The following ZNF507 variants were observed in gnomAD, a reference collection of about 807,000 sequenced individuals.
ZNF507 encodes zinc finger protein 507.
In ZNF507, 29 loss-of-function variants were observed where a neutral mutation model predicts 80.0. The observed-to-expected ratio is 0.36, with a 90% CI of 0.27 to 0.49. The LOEUF is 0.49. ZNF507 is among the 20% of genes least tolerant of loss of function. The probability of loss-of-function intolerance (pLI) is 0.98; values close to 1 mark genes in which losing one functional copy is unlikely to be tolerated. For missense variants in ZNF507, 1,081 were observed against 1,152.2 expected (o/e 0.94, Z 0.90); for synonymous variants, 462 against 422.5 (o/e 1.09, Z -1.15).
chr19:32,358,760 T>G (rs1196269310), intron 4 of ZNF507: 2 of 152,230 alleles, frequency 1.3e-5, no homozygotes, highest in Non-Finnish European at 2.9e-5. Context: ...GCAGAGATTT[T>G]ACCCAGACAT....
intron 5 of ZNF507, among the ~76,000 whole-genome samples, chr19:32,373,380 A>G (rs1967500812): frequency 6.6e-6 from 1 of 152,186 alleles, no homozygotes; most frequent in African/African-American, 2.4e-5. Context: ...TTCAGATCAT[A>G]CCACACTGTA....
intron 2 of ZNF507, among the ~76,000 whole-genome samples, chr19:32,352,050 G>T: frequency 6.8e-6 from 1 of 147,910 alleles, no homozygotes; most frequent in Non-Finnish European, 1.5e-5. Context: ...TTCCTTCTCT[G>T]ATGTCCCTTA....
intron 5 of ZNF507, among the ~76,000 whole-genome samples, chr19:32,366,397 T>A (rs1967399421): frequency 6.6e-6 from 1 of 150,708 alleles, no homozygotes; most frequent in South Asian, 2.1e-4. Flanking sequence ...TGGTATCCAC[T>A]ATCTTGACTT....
rs985176518 is a variant in ZNF507 at position 32,385,789 on chromosome 19, C to T, written c.*2706C>T. 1.3e-5 allele frequency: 2 copies of T among 151,902 alleles called. No individual in the cohort carries two copies. The highest frequency in any genetic ancestry group is 1.5e-5 in the Non-Finnish European group (1 of 67,980). 9.4% of individuals were successfully genotyped at this position (151,902 alleles called of 1,614,324 possible). On this transcript the variant is annotated 3_prime_UTR_variant, in exon 7 of 7. Coordinates refer to ENST00000355898, the MANE Select transcript of ZNF507 (RefSeq NM_001136156.2). The stretch of plus-strand genomic sequence containing the variant: ...CGTGATGGCACCATTGCACTCCAAC[C>T]GGGGTGACAGATGAGGTCCTCTGTT...
chr19:32,353,022 T>C lies in ZNF507; in HGVS notation c.192T>C (p.Leu64=), dbSNP rs369195364. The C allele has an allele frequency of 2.1e-5, 34 of 1,613,870 alleles. No homozygotes were observed. The highest frequency in any genetic ancestry group is 2.1e-5 in the Non-Finnish European group (25 of 1,179,990). ...IVENEKSQKC[L]LIGKKRPRSS... is the part of the protein sequence containing the mutation. ...AAAATGAAAAGTCACAAAAATGTCT[T>C]TTAATTGGGAAGAAACGCCCACGTT... Residue 64 remains leucine (L), a synonymous_variant, in exon 3 of 7, where the codon CTT becomes CTC. Transcript: ENST00000355898.
In ZNF507 at chr19:32,354,021, G is replaced by A. The variant is rs764276656; in HGVS notation, c.1191G>A (p.Val397=). The change falls in exon 3 of 7, where the codon GTG becomes GTA. Residue 397 remains valine, a synonymous_variant. Coordinates refer to ENST00000355898, the MANE Select transcript of ZNF507 (RefSeq NM_001136156.2). ...CCAATAAAAAAGGGCATGTTAACGT[G>A]ATAGTGGAGCGATTGCCAAGTGCTG... ...SSPNKKGHVN[V]IVERLPSAEE... 6.2e-7 allele frequency: 1 copy of A among 1,614,176 alleles called. No homozygotes were observed. Among genetic ancestry groups the A allele is most frequent in the Admixed American group, 1.7e-5 (1 of 60,026 alleles).
intron 1 of ZNF507, among the ~76,000 whole-genome samples, chr19:32,346,571 C>T (rs1967100244): frequency 6.6e-6 from 1 of 152,220 alleles, no homozygotes; most frequent in South Asian, 2.1e-4. Context: ...GAAAGCCTGG[C>T]CCTTCATTCC....
intron 5 of ZNF507, among the ~76,000 whole-genome samples, chr19:32,376,244 G>A (rs572162490): frequency 1.3e-5 from 2 of 151,958 alleles, no homozygotes; most frequent in South Asian, 2.1e-4. Context: ...TAGTGATAAC[G>A]CTATGAGTGA....
chr19:32,362,004 C>T (rs756681827), intron 5 of ZNF507, among the ~76,000 whole-genome samples: 4 of 151,700 alleles, frequency 2.6e-5, no homozygotes, highest in African/African-American at 4.8e-5. Context: ...CGGCAACCTC[C>T]GCCTCCCGGG....
chr19:32,345,957 G>A (rs1385497957), intron 1 of ZNF507, among the ~76,000 whole-genome samples, 174 bp downstream of exon 1: 1 of 152,218 alleles, frequency 6.6e-6, no homozygotes, highest in South Asian at 2.1e-4. Flanking sequence ...GTGCAGCAAG[G>A]CCTGCGGAGA....
intron 5 of ZNF507, among the ~76,000 whole-genome samples, chr19:32,366,787 T>C (rs1026271761): frequency 6.6e-6 from 1 of 152,272 alleles, no homozygotes; most frequent in Non-Finnish European, 1.5e-5. Context: ...TGGTAGACAG[T>C]GTCAACAGTT....
intron 5 of ZNF507, among the ~76,000 whole-genome samples, chr19:32,381,275 A>T (rs542246892): frequency 1.3e-5 from 2 of 152,244 alleles, no homozygotes; most frequent in African/African-American, 4.8e-5. Flanking sequence ...TATTCATATG[A>T]CGCTGGAATG....
intron 4 of ZNF507, chr19:32,359,527 CTG>C (rs1362244750): frequency 6.6e-6 from 1 of 152,132 alleles, no homozygotes; most frequent in African/African-American, 2.4e-5. Context: ...AGCCTGTGGA[CTG>C]TATGCTGACA....
At position 32,353,495 on chromosome 19, in the gene ZNF507, A is replaced by G. The variant is rs1281069695; in HGVS notation, c.665A>G (p.Gln222Arg). ...ATCCCAGTAAGTGTGGACAATCTAC[A>G]GACTCATACTGTCCAAACTGCATCT... ...PDIPVSVDNL[Q>R]THTVQTASVA... The change falls in exon 3 of 7, where the codon CAG becomes CGG. Residue 222 changes from glutamine (Q) to arginine (R), a missense_variant. By Grantham distance (43) the Gln-to-Arg change is conservative (BLOSUM62 1). Around this residue, in one of 6 missense-constraint regions of ZNF507, gnomAD observed 275 missense variants for 303.9 expected, o/e 0.90. Transcript: ENST00000355898. 1.2e-6 allele frequency: 2 copies of G among 1,614,122 alleles called. No individual in the cohort carries two copies. Among genetic ancestry groups the G allele is most frequent in the Non-Finnish European group, 1.7e-6 (2 of 1,180,046 alleles).
chr19:32,380,681 A>G (rs1264701272), intron 5 of ZNF507: 4 of 1,465,614 alleles, frequency 2.7e-6, no homozygotes, highest in Non-Finnish European at 3.7e-6. Context: ...ATGTCTTTGG[A>G]AAAGTGCATT....
intron 3 of ZNF507, 29 bp downstream of exon 3, chr19:32,354,986 A>G: frequency 6.4e-7 from 1 of 1,551,500 alleles, no homozygotes; most frequent in Non-Finnish European, 8.7e-7. Flanking sequence ...AGTCTTTCAG[A>G]GGACCTTCGC....
At chr19:32,349,249 T>G (rs979483283) in intron 2 of ZNF507, among the ~76,000 whole-genome samples, 1 of 152,200 alleles carries the variant, frequency 6.6e-6, no homozygotes, top group Non-Finnish European at 1.5e-5. Flanking sequence ...TTGGCTGACC[T>G]CAACCAGAAG....
chr19:32,352,071 G>GT (rs1555708427), intron 2 of ZNF507, among the ~76,000 whole-genome samples: 18 of 136,264 alleles, frequency 1.3e-4, no homozygotes, highest in Non-Finnish European at 2.6e-4. Flanking sequence ...CCCTTTCAGG[G>GT]AAAAAAAAAA....
intron 5 of ZNF507, among the ~76,000 whole-genome samples, chr19:32,365,579 A>G (rs979654694): frequency 2.0e-5 from 3 of 152,116 alleles, no homozygotes; most frequent in African/African-American, 4.8e-5. Flanking sequence ...GTTCCACTCA[A>G]AATTTTTCAT....
Sources: gnomAD v4.1 joint callset for allele counts (sites outside exome capture counted in the v4.1 genomes callset) on GRCh38, gnomAD v4.1.1 for gene constraint, gnomAD v4.1.1 regional missense constraint, MANE v1.5 for transcripts, NCBI Gene and HGNC (gene_info 2026-07-23, HGNC 2026-07-21) for gene names.